The following THBS1 variants were observed in gnomAD, a reference collection of about 807,000 sequenced individuals.
THBS1 encodes thrombospondin 1.
THBS1 carries 29 observed loss-of-function variants against 126.1 expected under a neutral mutation model. The observed-to-expected ratio is 0.23, with a 90% CI of 0.17 to 0.31. The LOEUF is 0.31. Among genes scored for constraint, THBS1 ranks in the 10% least tolerant of loss-of-function variants. The probability of loss-of-function intolerance (pLI) is 1.00; values close to 1 mark genes in which losing one functional copy is unlikely to be tolerated. For missense variants in THBS1, 1,198 were observed against 1,545.2 expected, an observed-to-expected ratio of 0.78 and a Z score of 3.77; for synonymous variants, 496 against 577.8, an observed-to-expected ratio of 0.86 and a Z score of 2.03.
In THBS1 at chr15:39,582,196, C is replaced by A; in HGVS notation, c.71C>A (p.Ser24Tyr). Residue 24 changes from serine (S) to tyrosine (Y), a missense_variant, in exon 3 of 22, where the codon TCT (serine) becomes TAT (tyrosine). Coordinates refer to ENST00000260356, the MANE Select transcript of THBS1 (RefSeq NM_003246.4). Reference sequence around the variant, plus strand: ...TGTGTTCTCTCCTGTCTAACAGAGTCTGGCGGAGACAACAGCGTGTTTGAC... The same window carrying A: ...TGTGTTCTCTCCTGTCTAACAGAGTATGGCGGAGACAACAGCGTGTTTGAC... The part of the protein sequence containing the change: ...HVCGTNRIPE[S>Y]GGDNSVFDIF... 6.3e-7 allele frequency: 1 copy of A among 1,597,538 alleles called. No homozygotes were observed. Among genetic ancestry groups the A allele is most frequent in the Non-Finnish European group, 8.5e-7 (1 of 1,171,822 alleles).
In THBS1 at chr15:39,588,874, CTT is replaced by C. The variant is rs776073215; in HGVS notation, c.1646-84_1646-83del. The C allele has an allele frequency of 4.3e-6, 7 of 1,610,622 alleles. No homozygotes were observed. In the South Asian group the frequency reaches 7.7e-5, roughly 18 times the overall value. ...ATCGGTTCCCTATACCCTATAATAT[CTT>C]ACACTGTGTTAAGTGCCCAGCATGG... On this transcript the variant is annotated intron_variant, in intron 10 of 21. Transcript: ENST00000260356.
At chr15:39,595,236 A>C (rs1212288566) in intron 21 of THBS1, 126 bp from the exon 22 acceptor site, 3 of 587,048 alleles carry the variant, frequency 5.1e-6, no homozygotes, top group Non-Finnish European at 8.1e-6. Context: ...GAACAACCTT[A>C]AAATTAGGCT....
At position 39,595,407 on chromosome 15, in the gene THBS1, A is replaced by C; in HGVS notation, c.*38A>C. ...TGATTGAAAGACTGATCATAAACCAATGCTGGTATTGCACCTTCTGGAACT... is the reference window on the plus strand; with the variant it reads ...TGATTGAAAGACTGATCATAAACCACTGCTGGTATTGCACCTTCTGGAACT... On this transcript the variant is annotated 3_prime_UTR_variant, in exon 22 of 22. Coordinates refer to ENST00000260356, the MANE Select transcript of THBS1 (RefSeq NM_003246.4). The C allele has an allele frequency of 6.7e-7, 1 of 1,501,018 alleles. No homozygotes were observed. The highest frequency in any genetic ancestry group is 8.9e-7 in the Non-Finnish European group (1 of 1,123,926). The allele number at this position is 1,501,018 out of a possible 1,614,324, so 93.0% of individuals were successfully genotyped here.
Position 39,587,343 on chromosome 15 carries a change from G to A in THBS1, c.1121-4G>A, listed in dbSNP as rs1475009222. The A allele has an allele frequency of 6.2e-7, 1 of 1,608,598 alleles. No individual in the cohort carries two copies. The highest frequency in any genetic ancestry group is 1.3e-5 in the African/African-American group (1 of 74,884). On this transcript the variant is annotated splice_polypyrimidine_tract_variant and splice_region_variant and intron_variant, in intron 7 of 21. Coordinates refer to ENST00000260356, the MANE Select transcript of THBS1 (RefSeq NM_003246.4). ...TACCTGATGAACCTCTGTTTCCCCT[G>A]CAGCCAGCGACTCTGCGGACGATGG...
At chr15:39,588,014 A>G in intron 8 of THBS1, 28 bp from the exon 9 acceptor site, 1 of 1,605,054 alleles carries the variant, frequency 6.2e-7, no homozygotes, top group Non-Finnish European at 8.5e-7. Flanking sequence ...AGCCAAAACC[A>G]TTTGTGACCA....
intron 1 of THBS1, 181 bp from the exon 2 acceptor site, chr15:39,581,648 C>T (rs924503725): frequency 2.1e-6 from 1 of 472,814 alleles, no homozygotes; most frequent in Non-Finnish European, 3.8e-6. Flanking sequence ...ACCTCTCTCT[C>T]TCTCTCTCTC....
rs1371777406 is a variant in THBS1 at position 39,593,894 on chromosome 15, A to T, written c.3268-205A>T. 3 of 888,270 alleles carry T rather than the reference A, an allele frequency of 3.4e-6. No individual in the cohort carries two copies. The highest frequency in any genetic ancestry group is 5.0e-6 in the Non-Finnish European group (3 of 599,492). The allele number at this position is 888,270 out of a possible 1,614,324, so 55.0% of individuals were successfully genotyped here. ...GGTGCCTTCAGCCTTTTCAAACAAA[A>T]AAACCTCCTTCCCTCCTCTCTGTCT... On this transcript the variant is annotated intron_variant, in intron 19 of 21. Coordinates refer to ENST00000260356, the MANE Select transcript of THBS1 (RefSeq NM_003246.4). This position sits in a 1 kb window ranked among gnomAD's most constrained non-coding sequence, Gnocchi z 5.9.
In THBS1 at chr15:39,598,441, T is replaced by C. The variant is rs1005382938; in HGVS notation, c.*3072T>C. The C allele has an allele frequency of 1.3e-5, 2 of 152,212 alleles. No individual in the cohort carries two copies. Among genetic ancestry groups the C allele is most frequent in the Non-Finnish European group, 1.5e-5 (1 of 68,030 alleles). The allele number at this position is 152,212 out of a possible 1,614,324, so 9.4% of individuals were successfully genotyped here. A position where few individuals can be genotyped will look rare whatever the true frequency, so the allele number is the denominator to read the frequency against. On this transcript the variant is annotated 3_prime_UTR_variant, in exon 22 of 22. Transcript: ENST00000260356. ...GTTAGGAAAACTGATGTGAAGGAAA[T>C]AATTCTTTGAAATGGCAAAGAATTA...
intron 5 of THBS1, 43 bp from the exon 6 acceptor site, chr15:39,584,257 C>T: frequency 6.2e-7 from 1 of 1,614,178 alleles, no homozygotes; most frequent in Non-Finnish European, 8.5e-7. Context: ...TCCCAAATGA[C>T]TGAAAATGCG....
At chr15:39,595,315 G>A in intron 21 of THBS1, 47 bp from the exon 22 acceptor site, 2 of 1,230,296 alleles carry the variant, frequency 1.6e-6, no homozygotes, top group Non-Finnish European at 2.2e-6. Flanking sequence ...ATGCTTTTAT[G>A]AATTAGTTTT....
chr15:39,581,504 G>A (rs1192678903), intron 1 of THBS1, among the ~76,000 whole-genome samples: 2 of 131,800 alleles, frequency 1.5e-5, no homozygotes, highest in Non-Finnish European at 3.1e-5. Flanking sequence ...CTCCAGGGAA[G>A]AGTCTGTACT....
In THBS1 at chr15:39,591,569, G is replaced by C. The variant is rs778320981; in HGVS notation, c.2478G>C (p.Met826Ile). Residue 826 changes from methionine (M) to isoleucine (I), a missense_variant, in exon 16 of 22, where the codon ATG (methionine) becomes ATC (isoleucine). Met to Ile is a conservative substitution (Grantham distance 10). Around this residue, in one of 4 missense-constraint regions of THBS1, gnomAD observed 663 missense variants for 860.1 expected, o/e 0.77. Transcript: ENST00000260356. ...ATGTGGACCAGAGAGACACTGATAT[G>C]GATGGGGTTGGAGATCAGTGTGACA... ...VYNVDQRDTD[M>I]DGVGDQCDNC... 17 of 1,614,082 alleles carry C rather than the reference G, an allele frequency of 1.1e-5. No homozygotes were observed. Among genetic ancestry groups the C allele is most frequent in the Middle Eastern group, 1.6e-4 (1 of 6,084 alleles).
In THBS1 at chr15:39,592,871, C is replaced by T; in HGVS notation, c.2767+69C>T. 1.9e-6 allele frequency: 3 copies of T among 1,556,066 alleles called. No homozygotes were observed. The highest frequency in any genetic ancestry group is 1.4e-5 in the African/African-American group (1 of 73,558). On this transcript the variant is annotated intron_variant, in intron 17 of 21. Coordinates refer to ENST00000260356, the MANE Select transcript of THBS1 (RefSeq NM_003246.4). The surrounding 1 kb of genome is among the most constrained non-coding windows in gnomAD (Gnocchi z 4.3). ...AGCTGTGTAGATTGAAGAAATGAAA[C>T]CAAGGCTCAAAGCATTTGACAGGAT...
chr15:39,589,815 C>T lies in THBS1; in HGVS notation c.1937C>T (p.Pro646Leu). The change falls in exon 13 of 22, where the codon CCC becomes CTC. Residue 646 changes from proline to leucine, a missense_variant. Around this residue, in one of 4 missense-constraint regions of THBS1, gnomAD observed 663 missense variants for 860.1 expected, o/e 0.77. Coordinates refer to ENST00000260356, the MANE Select transcript of THBS1 (RefSeq NM_003246.4). The surrounding 1 kb of genome is among the most constrained non-coding windows in gnomAD (Gnocchi z 4.7). ...HATANKQVCKPRNPCTDGTHD... is the reference protein window; with the variant it reads ...HATANKQVCKLRNPCTDGTHD... ...ATGGTGTACCCTCAGGTGTGCAAGC[C>T]CCGTAACCCCTGCACGGATGGGACC... 6 of 1,610,912 alleles carry T rather than the reference C, an allele frequency of 3.7e-6. No individual in the cohort carries two copies. Among genetic ancestry groups the T allele is most frequent in the Non-Finnish European group, 5.1e-6 (6 of 1,178,268 alleles).
chr15:39,589,137 C>A lies in THBS1; in HGVS notation c.1773+51C>A, dbSNP rs1237708457. 6.2e-7 allele frequency: 1 copy of A among 1,612,904 alleles called. No individual in the cohort carries two copies. Among genetic ancestry groups the A allele is most frequent in the Non-Finnish European group, 8.5e-7 (1 of 1,178,990 alleles). On this transcript the variant is annotated intron_variant, in intron 11 of 21. Coordinates refer to ENST00000260356, the MANE Select transcript of THBS1 (RefSeq NM_003246.4). The surrounding 1 kb of genome is among the most constrained non-coding windows in gnomAD (Gnocchi z 4.7). ...TTCTGGATCTAGGAAAGCAGCTAACCTGTGCAGTCGCTTCCTTATGGCAGT... is the reference window on the plus strand; with the variant it reads ...TTCTGGATCTAGGAAAGCAGCTAACATGTGCAGTCGCTTCCTTATGGCAGT...
chr15:39,587,466 G>A lies in THBS1; in HGVS notation c.1240G>A (p.Glu414Lys). 6.2e-7 allele frequency: 1 copy of A among 1,613,784 alleles called. No homozygotes were observed. The highest frequency in any genetic ancestry group is 8.5e-7 in the Non-Finnish European group (1 of 1,179,984). The change falls in exon 8 of 22, where the codon GAG becomes AAG. Residue 414 changes from glutamate (E) to lysine (K), a missense_variant. By Grantham distance (56) the Glu-to-Lys change is moderately conservative. This residue lies in a region of THBS1 where 663 missense variants were observed against 860.1 expected (regional missense o/e 0.77). Coordinates refer to ENST00000260356, the MANE Select transcript of THBS1 (RefSeq NM_003246.4). The part of the protein sequence containing the change: ...RSCDSLNNRC[E>K]GSSVQTRTCH... ...CTGCGATAGCCTCAACAACCGATGT[G>A]AGGGCTCCTCGGTCCAGACACGGAC...
At position 39,591,296 on chromosome 15, in the gene THBS1, G is replaced by A. The variant is rs147029514; in HGVS notation, c.2359G>A (p.Asp787Asn). The A allele has an allele frequency of 5.0e-6, 8 of 1,614,108 alleles. No individual in the cohort carries two copies. The African/African-American group carries it at 9.3e-5, about 19-fold the overall frequency. Residue 787 changes from aspartate to asparagine, a missense_variant, in exon 15 of 22, where the codon GAC becomes AAC. By Grantham distance (23) the Asp-to-Asn change is conservative. This residue lies in a region of THBS1 where 663 missense variants were observed against 860.1 expected (regional missense o/e 0.77). Transcript: ENST00000260356. ...CTACAACCACAACCCAGATCAGGCAGACACAGACAACAATGGGGAAGGAGA... is the reference window on the plus strand; with the variant it reads ...CTACAACCACAACCCAGATCAGGCAAACACAGACAACAATGGGGAAGGAGA... Reference protein sequence around the residue: ...CPYNHNPDQADTDNNGEGDAC... With the variant: ...CPYNHNPDQANTDNNGEGDAC...
intron 13 of THBS1, 123 bp downstream of exon 13, chr15:39,590,146 G>C: frequency 1.1e-6 from 1 of 945,282 alleles, no homozygotes; most frequent in South Asian, 2.0e-5. Context: ...CTCCCAAAGG[G>C]AGAGGGGCAC....
At chr15:39,588,826 G>A (rs1890265018) in intron 10 of THBS1, 127 bp downstream of exon 10, 11 of 1,577,872 alleles carry the variant, frequency 7.0e-6, no homozygotes, top group Middle Eastern at 1.7e-4. Flanking sequence ...AGATGCAGGT[G>A]GACAACATAA....
Sources: allele counts gnomAD v4.1 joint callset (sites outside exome capture counted in the v4.1 genomes callset), GRCh38; gene constraint gnomAD v4.1.1; regional missense constraint gnomAD v4.1.1; non-coding constraint Gnocchi (gnomAD v3.1); transcripts MANE v1.5; gene names NCBI Gene and HGNC (gene_info 2026-07-23, HGNC 2026-07-21).